TRAK1: variants seen among roughly 807,000 people sequenced by gnomAD.
The protein encoded by TRAK1 is trafficking kinesin-binding protein 1.
In TRAK1, 33 loss-of-function variants were observed where a neutral mutation model predicts 92.1. That is an observed-to-expected ratio of 0.36 (90% confidence interval 0.27 to 0.48). TRAK1 has a LOEUF of 0.48. Ranked by LOEUF, TRAK1 falls within the 20% of genes least tolerant of loss-of-function variation. The pLI is 0.99. For missense variants in TRAK1, 1,123 were observed against 1,257.9 expected (o/e 0.89, Z 1.62); for synonymous variants, 521 against 517.3 (o/e 1.01, Z -0.10).
rs561962924 is a variant in TRAK1, at chr3:42,103,562, G to A, written c.91+12002G>A. Among the ~76,000 whole-genome samples the A allele has an allele frequency of 2.6e-5, 4 of 152,258 alleles. No individual in the cohort carries two copies. The East Asian group carries it at 7.7e-4, about 29-fold the overall frequency. On this transcript the variant is annotated intron_variant, in intron 1 of 15. Transcript: ENST00000327628. ...CCCCTAACCTTGGAGAGCAGTGGTG[G>A]GGGATCGTTCTTGAGTGGTCATCGA...
intron 2 of TRAK1, among the ~76,000 whole-genome samples, chr3:42,141,429 C>T (rs1698636821): frequency 6.6e-6 from 1 of 152,074 alleles, no homozygotes; most frequent in Admixed American, 6.6e-5. Flanking sequence ...TTATATTTTT[C>T]CAGTGATCTA....
Position 42,193,075 on chromosome 3 carries a change from G to T in TRAK1, c.770G>T (p.Arg257Met). The change falls in exon 8 of 16, where the codon AGG (arginine) becomes ATG (methionine). Residue 257 changes from arginine (R) to methionine (M), a missense_variant and splice_region_variant. Arg to Met is a moderately conservative substitution (Grantham distance 91, BLOSUM62 -1). Coordinates refer to ENST00000327628, the MANE Select transcript of TRAK1 (RefSeq NM_001042646.3). ...QLVNDCVKEL[R>M]DANVQIASIS... The stretch of plus-strand genomic sequence containing the variant: ...CCTGATTGTTGCTTCTTTGTCAAAG[G>T]GGATGCCAATGTCCAGATTGCTAGT... 6.2e-7 allele frequency: 1 copy of T among 1,613,836 alleles called. No homozygotes were observed. The highest frequency in any genetic ancestry group is 8.5e-7 in the Non-Finnish European group (1 of 1,179,898).
intron 10 of TRAK1, among the ~76,000 whole-genome samples, chr3:42,196,643 T>G (rs1706685641): frequency 1.3e-5 from 2 of 151,144 alleles, no homozygotes; most frequent in Admixed American, 1.3e-4. Context: ...GTTCAAGCGA[T>G]TCTCCTGCCT....
chr3:42,180,396 G>A (rs1703833929), intron 3 of TRAK1, among the ~76,000 whole-genome samples: 1 of 152,144 alleles, frequency 6.6e-6, no homozygotes, highest in African/African-American at 2.4e-5. Context: ...ACTTTGGGAG[G>A]CTGAGGTGGG....
upstream of TRAK1, among the ~76,000 whole-genome samples, chr3:42,088,856 G>A (rs1345556960): frequency 1.3e-5 from 2 of 152,284 alleles, no homozygotes; most frequent in South Asian, 2.1e-4. Context: ...ACGTTGAAGG[G>A]CCCGGGGCCC....
At chr3:42,100,070 A>T (rs533489995) in intron 1 of TRAK1, among the ~76,000 whole-genome samples, 1 of 152,300 alleles carries the variant, frequency 6.6e-6, no homozygotes, top group South Asian at 2.1e-4. Context: ...GTAGGCAGAG[A>T]CTGCCAGGGT....
Position 42,136,490 on chromosome 3 carries a change from G to A in TRAK1, c.286+10876G>A, listed in dbSNP as rs115026747. On this transcript the variant is annotated intron_variant, in intron 2 of 15. Coordinates refer to ENST00000327628, the MANE Select transcript of TRAK1 (RefSeq NM_001042646.3). ...AAAAATGTTTAAAAATTACCCAGGCGGTGCATACCTGTAGTCCTAGCTACT... is the reference window on the plus strand; with the variant it reads ...AAAAATGTTTAAAAATTACCCAGGCAGTGCATACCTGTAGTCCTAGCTACT... Among the ~76,000 whole-genome samples, 524 of 152,036 alleles carry A rather than the reference G, an allele frequency of 3.4e-3. 2 individuals are homozygous for A. Among genetic ancestry groups the A allele is most frequent in the African/African-American group, 0.012 (483 of 41,486 alleles).
intron 4 of TRAK1, among the ~76,000 whole-genome samples, chr3:42,187,544 T>G (rs1705067923): frequency 6.6e-6 from 1 of 152,124 alleles, no homozygotes; most frequent in African/African-American, 2.4e-5. Context: ...CTCAGCTCAC[T>G]ACAACCCCTG....
chr3:42,096,221 C>T (rs140780658), intron 1 of TRAK1, among the ~76,000 whole-genome samples: 11 of 152,236 alleles, frequency 7.2e-5, no homozygotes, highest in East Asian at 5.8e-4. Flanking sequence ...TCATAGATAA[C>T]GAATCCTCTT....
At chr3:42,204,787 G>A (rs1398007261) in intron 13 of TRAK1, among the ~76,000 whole-genome samples, 1 of 152,046 alleles carries the variant, frequency 6.6e-6, no homozygotes, top group Non-Finnish European at 1.5e-5. Flanking sequence ...TTACTATGTT[G>A]CCTAGGCCGG....
rs1209812002 is a variant in TRAK1, at chr3:42,144,957, TTCTATG to T, written c.286+19349_286+19354del. Among the ~76,000 whole-genome samples the T allele has an allele frequency of 3.3e-5, 5 of 152,310 alleles. No homozygotes were observed. The East Asian group carries it at 9.6e-4, about 29-fold the overall frequency. On this transcript the variant is annotated intron_variant, in intron 2 of 15. Transcript: ENST00000327628. ...TCTAAATTTCATAGAATGTCAGTTT[TTCTATG>T]TCTATTATATTTAAGTAATATTCAT... is the stretch of plus-strand genomic sequence containing the variant.
intron 14 of TRAK1, chr3:42,218,860 G>C (rs1005276287): frequency 1.4e-5 from 14 of 985,242 alleles, no homozygotes; most frequent in Non-Finnish European, 1.6e-5. Context: ...CCTGATCCTG[G>C]AGCTCAGGAC....
chr3:42,132,513 C>T (rs1031255068), intron 2 of TRAK1, among the ~76,000 whole-genome samples: 5 of 152,122 alleles, frequency 3.3e-5, no homozygotes, highest in Admixed American at 2.0e-4. Flanking sequence ...ATTCCTCCCA[C>T]CTCAGCCTCA....
chr3:42,077,965 G>A lies in TRAK1; in HGVS notation c.-518-9139G>A, dbSNP rs529691851. ...CCAGGCCTGGCAGCCACCCACTTTC[G>A]TTGTGTCTACTTCTTCCGCAGTTTG... On this transcript the variant is annotated intron_variant, in intron 1 of 16. Coordinates refer to the TRAK1 transcript ENST00000487159. 5.1e-4 allele frequency among the ~76,000 whole-genome samples: 77 copies of A among 152,306 alleles called. 2 individuals carry two copies. The South Asian group carries it at 0.015, about 29-fold the overall frequency.
At chr3:42,163,705 A>G (rs1701543020) in intron 2 of TRAK1, among the ~76,000 whole-genome samples, 1 of 152,174 alleles carries the variant, frequency 6.6e-6, no homozygotes, top group Non-Finnish European at 1.5e-5. Flanking sequence ...TCCTGTGCTA[A>G]TCCACACCTC....
chr3:42,112,454 G>A (rs1708567637), intron 1 of TRAK1, among the ~76,000 whole-genome samples: 1 of 149,478 alleles, frequency 6.7e-6, no homozygotes. Context: ...AATTAAAAAG[G>A]TCAGGAGCAG....
intron 1 of TRAK1, among the ~76,000 whole-genome samples, chr3:42,040,711 C>G (rs1261122740): frequency 2.0e-5 from 3 of 149,632 alleles, no homozygotes; most frequent in Admixed American, 1.3e-4. Flanking sequence ...GAGTCTCACT[C>G]TGTCACCCAG....
At chr3:42,079,929 G>A (rs946981169) in intron 1 of TRAK1, among the ~76,000 whole-genome samples, 2 of 152,148 alleles carry the variant, frequency 1.3e-5, no homozygotes, top group African/African-American at 4.8e-5. Flanking sequence ...GCACCAGGGA[G>A]TGGAGAAGGA....
intron 1 of TRAK1, among the ~76,000 whole-genome samples, chr3:42,076,599 AG>A (rs1312268529): frequency 5.3e-5 from 8 of 152,080 alleles, no homozygotes; most frequent in Non-Finnish European, 1.5e-5. Context: ...GTTTATTGAT[AG>A]TTTCTTTTGC....
Sources: gnomAD v4.1 joint callset for allele counts (sites outside exome capture counted in the v4.1 genomes callset) on GRCh38, gnomAD v4.1.1 for gene constraint, MANE v1.5 for transcripts, NCBI Gene and HGNC (gene_info 2026-07-23, HGNC 2026-07-21) for gene names.